The following CAP2 variants were observed in gnomAD, a reference collection of about 807,000 sequenced individuals.
CAP2 encodes the protein cyclase associated actin cytoskeleton regulatory protein 2.
CAP2 carries 24 observed loss-of-function variants against 57.7 expected under a neutral mutation model. The ratio of observed to expected loss-of-function variants is 0.42; its 90% CI spans 0.30 to 0.58. CAP2 has a LOEUF of 0.58. Ranked by LOEUF, CAP2 falls within the 20% of genes least tolerant of loss-of-function variation. The probability of loss-of-function intolerance (pLI) is 0.22; values close to 1 mark genes in which losing one functional copy is unlikely to be tolerated. For synonymous variants in CAP2, 194 were observed against 207.2 expected (o/e 0.94, Z 0.55); for missense variants, 501 against 590.3 (o/e 0.85, Z 1.57).
chr6:17,547,758 A>T (rs544125891), intron 11 of CAP2, among the ~76,000 whole-genome samples: 1 of 150,880 alleles, frequency 6.6e-6, no homozygotes. Flanking sequence ...GGAGAATGGC[A>T]TGAACCCGGG....
intron 4 of CAP2, among the ~76,000 whole-genome samples, chr6:17,506,268 T>C (rs1439535295): frequency 6.6e-6 from 1 of 152,168 alleles, no homozygotes; most frequent in Non-Finnish European, 1.5e-5. Context: ...CAGAATTGAG[T>C]GTGACCTGTA....
At chr6:17,401,640 C>G (rs1179558434) in intron 1 of CAP2, among the ~76,000 whole-genome samples, 1 of 152,210 alleles carries the variant, frequency 6.6e-6, no homozygotes, top group Non-Finnish European at 1.5e-5. Flanking sequence ...TGCAGATAGT[C>G]TATCTCTCGG....
At chr6:17,452,707 A>G (rs1284709702) in intron 3 of CAP2, among the ~76,000 whole-genome samples, 4 of 152,250 alleles carry the variant, frequency 2.6e-5, no homozygotes, top group African/African-American at 7.2e-5. Context: ...TTTCATAAGC[A>G]GAAGCAATCC....
chr6:17,419,248 C>A (rs560245590), intron 1 of CAP2, among the ~76,000 whole-genome samples: 10 of 152,172 alleles, frequency 6.6e-5, no homozygotes, highest in Non-Finnish European at 1.3e-4. Flanking sequence ...GCCTGGTCCC[C>A]AGCAGAAACA....
chr6:17,550,874 A>AT (rs1442356515), intron 11 of CAP2, among the ~76,000 whole-genome samples: 3 of 152,212 alleles, frequency 2.0e-5, no homozygotes, highest in African/African-American at 7.2e-5. Flanking sequence ...ACATTTCAAA[A>AT]TACCTAGACA....
At chr6:17,420,159 C>T (rs1273415056) in intron 1 of CAP2, among the ~76,000 whole-genome samples, 1 of 152,096 alleles carries the variant, frequency 6.6e-6, no homozygotes, top group South Asian at 2.1e-4. Context: ...CGTGAGCCAC[C>T]GCACCCAGTC....
At chr6:17,396,687 C>T (rs1758672818) in intron 1 of CAP2, among the ~76,000 whole-genome samples, 1 of 152,180 alleles carries the variant, frequency 6.6e-6, no homozygotes, top group South Asian at 2.1e-4. Flanking sequence ...ATAAAGGTCA[C>T]AGGGTTTCTT....
chr6:17,472,021 G>C (rs1008366911), intron 4 of CAP2, among the ~76,000 whole-genome samples: 3 of 152,042 alleles, frequency 2.0e-5, no homozygotes, highest in Non-Finnish European at 4.4e-5. Context: ...ATAAATATGC[G>C]TAAGTTTCTG....
intron 1 of CAP2, among the ~76,000 whole-genome samples, chr6:17,405,331 G>C (rs1167251783): frequency 6.6e-6 from 1 of 152,024 alleles, no homozygotes; most frequent in Admixed American, 6.5e-5. Flanking sequence ...GCAGTGAGCT[G>C]AGATTGCACC....
chr6:17,479,380 A>T (rs996716229), intron 4 of CAP2, among the ~76,000 whole-genome samples: 1 of 152,164 alleles, frequency 6.6e-6, no homozygotes, highest in African/African-American at 2.4e-5. Context: ...CTGATCTCTG[A>T]GTCCTGATGA....
chr6:17,496,698 C>T (rs1221126964), intron 4 of CAP2, among the ~76,000 whole-genome samples: 1 of 152,086 alleles, frequency 6.6e-6, no homozygotes, highest in African/African-American at 2.4e-5. Context: ...AAGCAGTTTC[C>T]GATTAAGGAT....
At chr6:17,519,562 A>G (rs1226565337) in intron 7 of CAP2, among the ~76,000 whole-genome samples, 2 of 152,076 alleles carry the variant, frequency 1.3e-5, no homozygotes, top group African/African-American at 2.4e-5. Flanking sequence ...TTTTCATATG[A>G]GTTTGTGTCA....
chr6:17,408,197 C>T (rs772005370), intron 1 of CAP2, among the ~76,000 whole-genome samples: 9 of 152,124 alleles, frequency 5.9e-5, no homozygotes, highest in Non-Finnish European at 1.0e-4. Flanking sequence ...CAAGAAACAT[C>T]TGTTTCTGGT....
chr6:17,516,583 G>T (rs187835202), intron 7 of CAP2, among the ~76,000 whole-genome samples: 1 of 152,068 alleles, frequency 6.6e-6, no homozygotes, highest in African/African-American at 2.4e-5. Context: ...GTAACCAAAC[G>T]CCATCTCTTC....
At chr6:17,442,963 C>T (rs1441222638) in intron 3 of CAP2, among the ~76,000 whole-genome samples, 3 of 152,018 alleles carry the variant, frequency 2.0e-5, no homozygotes, top group Admixed American at 1.3e-4. Context: ...AGTAATCCAC[C>T]GCCTCGACCT....
At chr6:17,466,584 G>A (rs1232688158) in intron 4 of CAP2, among the ~76,000 whole-genome samples, 1 of 152,194 alleles carries the variant, frequency 6.6e-6, no homozygotes, top group Non-Finnish European at 1.5e-5. Context: ...TGAATCATCT[G>A]GAGATCTTGT....
intron 1 of CAP2, among the ~76,000 whole-genome samples, chr6:17,400,373 T>C (rs189071741): frequency 1.5e-3 from 236 of 152,310 alleles, no homozygotes; most frequent in Middle Eastern, 3.4e-3. Flanking sequence ...CTGGGATCCA[T>C]TGGTTGACTT....
chr6:17,495,563 C>T (rs529212002), intron 4 of CAP2, among the ~76,000 whole-genome samples: 4 of 152,172 alleles, frequency 2.6e-5, no homozygotes, highest in African/African-American at 7.2e-5. Context: ...AATCCAGGCT[C>T]AGCAGTCTAC....
At chr6:17,537,175 G>A (rs1443741209) in intron 7 of CAP2, among the ~76,000 whole-genome samples, 2 of 152,124 alleles carry the variant, frequency 1.3e-5, no homozygotes, top group Non-Finnish European at 2.9e-5. Context: ...AAAATAGCGT[G>A]TTGTGTTGTT....
Sources: allele counts gnomAD v4.1 joint callset (sites outside exome capture counted in the v4.1 genomes callset), GRCh38; gene constraint gnomAD v4.1.1; transcripts MANE v1.5; gene names NCBI Gene and HGNC (gene_info 2026-07-23, HGNC 2026-07-21).